Variants in ZNF317 observed in about 807,000 individuals in gnomAD.
ZNF317 encodes KRAB-containing zinc finger protein 317.
A neutral mutation model predicts 23.4 loss-of-function variants in ZNF317; 17 were observed. That is an observed-to-expected ratio of 0.73 (90% CI 0.50 to 1.09). The LOEUF is 1.09. Ranked by LOEUF, ZNF317 falls within the 50% of genes least tolerant of loss-of-function variation. ZNF317 has a pLI of 0.00. For missense variants in ZNF317, 679 were observed against 796.7 expected (o/e 0.85, Z 1.78); for synonymous variants, 317 against 314.9 (o/e 1.01, Z -0.07).
chr19:9,147,421 G>A (rs1431223972), intron 1 of ZNF317, among the ~76,000 whole-genome samples: 2 of 142,738 alleles, frequency 1.4e-5, no homozygotes, highest in Non-Finnish European at 3.0e-5. Flanking sequence ...CTCACTGCAA[G>A]CTCTGCCTCC....
rs1473607595 is a variant in ZNF317 at position 9,140,535 on chromosome 19, T to C, written c.-150T>C. 2.2e-6 allele frequency: 1 copy of C among 456,560 alleles called. No individual in the cohort carries two copies. The highest frequency in any genetic ancestry group is 4.4e-6 in the Non-Finnish European group (1 of 226,912). 28.3% of individuals were successfully genotyped at this position (456,560 alleles called of 1,614,324 possible). On this transcript the variant is annotated 5_prime_UTR_variant, in exon 1 of 7. Transcript: ENST00000247956. ...AGACTGGACCTCCCGTATGAACTTC[T>C]CTTCGCATCGGCGGCGGCTTCCGTC...
chr19:9,143,636 T>TTG (rs2050654395), intron 1 of ZNF317, among the ~76,000 whole-genome samples: 1 of 152,126 alleles, frequency 6.6e-6, no homozygotes, highest in Non-Finnish European at 1.5e-5. Flanking sequence ...CCATGAGTGC[T>TTG]GTCTCATCAT....
intron 1 of ZNF317, among the ~76,000 whole-genome samples, 189 bp downstream of exon 1, chr19:9,140,781 T>C (rs1193963434): frequency 6.6e-6 from 1 of 152,062 alleles, no homozygotes; most frequent in African/African-American, 2.4e-5. Context: ...AATTGGACCA[T>C]TGCAGCTAGT....
rs761951507 is a variant in ZNF317, at chr19:9,160,161, C to T, written c.516C>T (p.Phe172=). 4 of 1,614,124 alleles carry T rather than the reference C, an allele frequency of 2.5e-6. No individual in the cohort carries two copies. The highest frequency in any genetic ancestry group is 3.4e-6 in the Non-Finnish European group (4 of 1,180,012). The change falls in exon 7 of 7, where the codon TTC becomes TTT. Residue 172 remains phenylalanine (F), a synonymous_variant. Transcript: ENST00000247956. This position sits in a 1 kb window ranked among gnomAD's most constrained non-coding sequence, Gnocchi z 6.8. ...AGTCCACTGAATACGCTCACTTGTT[C>T]GAAGTCTTTGGCATGGACCCTCATC... ...GEKSTEYAHL[F]EVFGMDPHLT...
intron 1 of ZNF317, among the ~76,000 whole-genome samples, chr19:9,141,504 G>A (rs1195852481): frequency 1.3e-5 from 2 of 152,176 alleles, no homozygotes; most frequent in Non-Finnish European, 2.9e-5. Flanking sequence ...AGGCGCTTCA[G>A]TATTTTTGGA....
chr19:9,140,788 T>C (rs902821753), intron 1 of ZNF317, among the ~76,000 whole-genome samples, 196 bp downstream of exon 1: 8 of 152,046 alleles, frequency 5.3e-5, no homozygotes, highest in African/African-American at 1.9e-4. Flanking sequence ...CCATTGCAGC[T>C]AGTGATGAGA....
chr19:9,159,164 G>C (rs1258541484), intron 6 of ZNF317, among the ~76,000 whole-genome samples: 1 of 152,142 alleles, frequency 6.6e-6, no homozygotes, highest in Non-Finnish European at 1.5e-5. Context: ...TGCAGTTTTT[G>C]TTTTATTTTA....
At position 9,142,575 on chromosome 19, in the gene ZNF317, G is replaced by A. The variant is rs183213209; in HGVS notation, c.-93+1983G>A. On this transcript the variant is annotated intron_variant, in intron 1 of 6. Coordinates refer to ENST00000247956, the MANE Select transcript of ZNF317 (RefSeq NM_020933.5). Reference sequence around the variant, plus strand: ...TTTTTTTTTTTGCCATTATGTATCTGTTTATTGATACATTTTGTATCTGTT... The same window carrying A: ...TTTTTTTTTTTGCCATTATGTATCTATTTATTGATACATTTTGTATCTGTT... Among the ~76,000 whole-genome samples the A allele has an allele frequency of 4.8e-3, 636 of 132,914 alleles. 5 individuals carry two copies. Among genetic ancestry groups the A allele is most frequent in the Admixed American group, 0.01 (141 of 13,534 alleles). The allele number at this position is 132,914 out of a possible 152,430, so 87.2% of individuals were successfully genotyped here.
At chr19:9,157,702 T>A (rs1397682478) in intron 4 of ZNF317, 10 of 596,026 alleles carry the variant, frequency 1.7e-5, no homozygotes, top group African/African-American at 7.2e-5. Flanking sequence ...TTTTTTTTTT[T>A]ATTTTTGGTG....
intron 1 of ZNF317, among the ~76,000 whole-genome samples, chr19:9,151,429 C>T (rs997978155): frequency 6.6e-6 from 1 of 151,964 alleles, no homozygotes; most frequent in Non-Finnish European, 1.5e-5. Context: ...ATTGTTATAA[C>T]CCTGGTAATG....
chr19:9,154,905 T>A (rs61150014), intron 1 of ZNF317, among the ~76,000 whole-genome samples: 36,754 of 152,044 alleles, frequency 0.24, 4,897 homozygotes, highest in African/African-American at 0.37. Context: ...ATTTTGGCTG[T>A]TCTAGTTTTA....
rs1253933048 is a variant in ZNF317 at position 9,162,306 on chromosome 19, GT to G, written c.*875del. On this transcript the variant is annotated 3_prime_UTR_variant, in exon 7 of 7. Coordinates refer to ENST00000247956, the MANE Select transcript of ZNF317 (RefSeq NM_020933.5). ...GCCCCCAAACGTCACTGTTGCTGAG[GT>G]TGAAAATAATCATGCAGTCATTCCT... 1 of 152,144 alleles carries G rather than the reference GT, an allele frequency of 6.6e-6. No individual in the cohort carries two copies. The highest frequency in any genetic ancestry group is 1.9e-4 in the East Asian group (1 of 5,190). The allele number at this position is 152,144 out of a possible 1,614,324, so 9.4% of individuals were successfully genotyped here.
chr19:9,140,825 A>G (rs1292467991), intron 1 of ZNF317, among the ~76,000 whole-genome samples: 1 of 152,110 alleles, frequency 6.6e-6, no homozygotes, highest in African/African-American at 2.4e-5. Flanking sequence ...GATCCTGAAA[A>G]GCCCTAAGTC....
Position 9,161,559 on chromosome 19 carries a change from AG to A in ZNF317, c.*127del. 1 of 1,415,980 alleles carries A rather than the reference AG, an allele frequency of 7.1e-7. No homozygotes were observed. Among genetic ancestry groups the A allele is most frequent in the Non-Finnish European group, 9.5e-7 (1 of 1,055,146 alleles). The allele number at this position is 1,415,980 out of a possible 1,614,324, so 87.7% of individuals were successfully genotyped here. On this transcript the variant is annotated 3_prime_UTR_variant, in exon 7 of 7. Coordinates refer to ENST00000247956, the MANE Select transcript of ZNF317 (RefSeq NM_020933.5). This position sits in a 1 kb window ranked among gnomAD's most constrained non-coding sequence, Gnocchi z 4.0. ...AATCCACGGAACTTGGGAGAAGTCC[AG>A]TTCCTGTAAAAACTGGGAAGACGAG... is the stretch of plus-strand genomic sequence containing the variant.
At position 9,160,811 on chromosome 19, in the gene ZNF317, C is replaced by G. The variant is rs1333812020; in HGVS notation, c.1166C>G (p.Thr389Ser). The G allele has an allele frequency of 3.1e-6, 5 of 1,614,154 alleles. No individual in the cohort carries two copies. The highest frequency in any genetic ancestry group is 4.2e-6 in the Non-Finnish European group (5 of 1,180,042). ...LHKKNHMVEK[T>S]YECKECGKSF... ...AAGAAGAACCACATGGTGGAGAAGA[C>G]CTACGAATGTAAAGAATGCGGGAAA... The change falls in exon 7 of 7, where the codon ACC (threonine) becomes AGC (serine). Residue 389 changes from threonine to serine, a missense_variant. Thr to Ser is a moderately conservative substitution (Grantham distance 58). Transcript: ENST00000247956. This position sits in a 1 kb window ranked among gnomAD's most constrained non-coding sequence, Gnocchi z 6.8.
At position 9,163,101 on chromosome 19, in the gene ZNF317, G is replaced by A. The variant is rs527578797; in HGVS notation, c.*1668G>A. On this transcript the variant is annotated 3_prime_UTR_variant, in exon 7 of 7. Coordinates refer to ENST00000247956, the MANE Select transcript of ZNF317 (RefSeq NM_020933.5). ...TCCATGTCTCACAGCCCTGGCCACT[G>A]ACAGATCAGCAGATGTCACCACATG... 1 of 152,332 alleles carries A rather than the reference G, an allele frequency of 6.6e-6. No individual in the cohort carries two copies. Among genetic ancestry groups the A allele is most frequent in the African/African-American group, 2.4e-5 (1 of 41,570 alleles). The allele number at this position is 152,332 out of a possible 1,614,324, so 9.4% of individuals were successfully genotyped here.
At chr19:9,153,236 A>AC (rs1317198305) in intron 1 of ZNF317, among the ~76,000 whole-genome samples, 1 of 151,974 alleles carries the variant, frequency 6.6e-6, no homozygotes, top group Non-Finnish European at 1.5e-5. Context: ...ATCTCAGCTT[A>AC]CCTCAACCTC....
At position 9,160,726 on chromosome 19, in the gene ZNF317, C is replaced by T. The variant is rs1282936882; in HGVS notation, c.1081C>T (p.Pro361Ser). ...CGTGAGGAATCACACGGGGGAGAAG[C>T]CCTACGCGTGCACGCAGTGCGGCAA... The part of the protein sequence containing the change: ...EHVRNHTGEK[P>S]YACTQCGKAF... The change falls in exon 7 of 7, where the codon CCC becomes TCC. Residue 361 changes from proline to serine, a missense_variant. Transcript: ENST00000247956. This position sits in a 1 kb window ranked among gnomAD's most constrained non-coding sequence, Gnocchi z 6.8. 2 of 1,614,184 alleles carry T rather than the reference C, an allele frequency of 1.2e-6. No homozygotes were observed. The highest frequency in any genetic ancestry group is 1.1e-5 in the South Asian group (1 of 91,086).
chr19:9,140,456 G>C lies in ZNF317; in HGVS notation c.-229G>C, dbSNP rs1164333799. ...TGCCCCGAGACACATGGGCCAAGGA[G>C]GGGTCAGCGGCGAATTCTTTCGGCC... On this transcript the variant is annotated 5_prime_UTR_variant, in exon 1 of 7. Coordinates refer to ENST00000247956, the MANE Select transcript of ZNF317 (RefSeq NM_020933.5). 2.2e-6 allele frequency: 1 copy of C among 455,642 alleles called. No homozygotes were observed. The highest frequency in any genetic ancestry group is 4.4e-6 in the Non-Finnish European group (1 of 226,488). 28.2% of individuals were successfully genotyped at this position (455,642 alleles called of 1,614,324 possible).
Sources: gnomAD v4.1 joint callset for allele counts (sites outside exome capture counted in the v4.1 genomes callset) on GRCh38, gnomAD v4.1.1 for gene constraint, Gnocchi (gnomAD v3.1) non-coding constraint, MANE v1.5 for transcripts, NCBI Gene and HGNC (gene_info 2026-07-23, HGNC 2026-07-21) for gene names.